Variants in JPH3 observed in about 807,000 individuals in gnomAD.
The protein encoded by JPH3 is junctophilin 3, also known as junctophilin-3.
Under a neutral mutation model 59.6 loss-of-function variants are expected in JPH3, and 11 were observed. The ratio of observed to expected loss-of-function variants is 0.18; its 90% CI spans 0.12 to 0.31. The LOEUF (loss-of-function observed/expected upper bound fraction) is 0.31. Among genes scored for constraint, JPH3 ranks in the 10% least tolerant of loss-of-function variants. JPH3 has a pLI of 1.00. For missense variants in JPH3, 1,202 were observed against 1,105.7 expected (o/e 1.09, Z -1.24); for synonymous variants, 673 against 483.6 (o/e 1.39, Z -5.14).
At chr16:87,658,298 GA>G in intron 2 of JPH3, among the ~76,000 whole-genome samples, 1 of 151,980 alleles carries the variant, frequency 6.6e-6, no homozygotes, top group Admixed American at 6.5e-5. Context: ...GTCTGCCTTT[GA>G]AAAAAGGGTG....
chr16:87,605,289 A>T (rs939925652), intron 1 of JPH3, among the ~76,000 whole-genome samples: 1 of 152,196 alleles, frequency 6.6e-6, no homozygotes, highest in African/African-American at 2.4e-5. Context: ...CACTCTGCCC[A>T]CGCTCCTCAG....
chr16:87,690,141 GC>G lies in JPH3; in HGVS notation c.1785del (p.Gly596GlufsTer13). The G allele has an allele frequency of 6.3e-7, 1 of 1,595,378 alleles. No individual in the cohort carries two copies. The highest frequency in any genetic ancestry group is 8.5e-7 in the Non-Finnish European group (1 of 1,171,272). ...TCCCACCACCGGGCCAGCAACCACAGCCCCGGAGGCTCCAGGCTGCTGGAGC... is the reference window on the plus strand; with the variant it reads ...TCCCACCACCGGGCCAGCAACCACAGCCCGGAGGCTCCAGGCTGCTGGAGC... Reference protein sequence around the residue: ...WTSHHRASNHSPGGSRLLELQ... With the variant: ...WTSHHRASNHXPGGSRLLELQ... On this transcript the variant is annotated frameshift_variant, in exon 4 of 5. Coordinates refer to ENST00000284262, the MANE Select transcript of JPH3 (RefSeq NM_020655.4). LOFTEE classifies it high-confidence loss of function.
Position 87,684,125 on chromosome 16 carries a change from C to T in JPH3, c.1161-17C>T. ...GTGCCCCCTGCCCCCCCTCACGCTC[C>T]TCCCTGTCTCCCCCAGGACCTCCCA... On this transcript the variant is annotated splice_polypyrimidine_tract_variant and intron_variant, in intron 2 of 4. Coordinates refer to ENST00000284262, the MANE Select transcript of JPH3 (RefSeq NM_020655.4). 1.2e-6 allele frequency: 2 copies of T among 1,611,490 alleles called. No homozygotes were observed. Among genetic ancestry groups the T allele is most frequent in the Non-Finnish European group, 1.7e-6 (2 of 1,178,422 alleles).
In JPH3 at chr16:87,636,501, G is replaced by A. The variant is rs192577274; in HGVS notation, c.383-7757G>A. 3.3e-3 allele frequency among the ~76,000 whole-genome samples: 505 copies of A among 152,310 alleles called. 1 individual carries two copies. The highest frequency in any genetic ancestry group is 7.8e-3 in the Admixed American group (119 of 15,306). ...AGGGAGAGGAGCAACTGCGGCGAGC[G>A]TGGAGGCCCAGCCCGCAGAGCTCCC... is the stretch of plus-strand genomic sequence containing the variant. On this transcript the variant is annotated intron_variant, in intron 1 of 4. Coordinates refer to ENST00000284262, the MANE Select transcript of JPH3 (RefSeq NM_020655.4).
Position 87,690,228 on chromosome 16 carries a change from C to G in JPH3, c.1868C>G (p.Thr623Arg), listed in dbSNP as rs150787562. 1.0e-3 allele frequency: 1,606 copies of G among 1,604,536 alleles called. 6 individuals are homozygous for G. The highest frequency in any genetic ancestry group is 1.3e-3 in the Non-Finnish European group (1,532 of 1,176,176). The change falls in exon 4 of 5, where the codon ACG becomes AGG. Residue 623 changes from threonine to arginine, a missense_variant. By Grantham distance (71) the Thr-to-Arg change is moderately conservative (BLOSUM62 -1). Transcript: ENST00000284262. The stretch of plus-strand genomic sequence containing the variant: ...ATGAAACCCTTGCTGAGGATGGAGA[C>G]GCATCCCCAGAAAAGACGCTACAGC... ...MEMKPLLRMETHPQKRRYSKG... is the reference protein window; with the variant it reads ...MEMKPLLRMERHPQKRRYSKG...
intron 2 of JPH3, among the ~76,000 whole-genome samples, chr16:87,649,151 C>T (rs909652241): frequency 2.6e-5 from 4 of 152,184 alleles, no homozygotes; most frequent in Non-Finnish European, 5.9e-5. Context: ...AGCCAGTGGC[C>T]CCGCGGAGCT....
At chr16:87,677,620 G>A (rs367875471) in intron 2 of JPH3, among the ~76,000 whole-genome samples, 9 of 152,300 alleles carry the variant, frequency 5.9e-5, no homozygotes, top group African/African-American at 1.9e-4. Context: ...GCTGGTGAAC[G>A]TGGACAGCGT....
In JPH3 at chr16:87,684,238, C is replaced by T; in HGVS notation, c.1257C>T (p.Phe419=). The change falls in exon 3 of 5, where the codon TTC becomes TTT. Residue 419 remains phenylalanine, a synonymous_variant. Coordinates refer to ENST00000284262, the MANE Select transcript of JPH3 (RefSeq NM_020655.4). The part of the protein sequence containing the change: ...ARIARITAKE[F]SPSFQHRENG... ...TCGCCAGGATCACTGCCAAAGAGTT[C>T]TCCCCTTCCTTCCAGCACCGGGAAA... is the stretch of plus-strand genomic sequence containing the variant. 6.2e-7 allele frequency: 1 copy of T among 1,613,972 alleles called. No homozygotes were observed. The highest frequency in any genetic ancestry group is 8.5e-7 in the Non-Finnish European group (1 of 1,179,998).
At chr16:87,604,232 AT>A in intron 1 of JPH3, 1 of 1,444,360 alleles carries the variant, frequency 6.9e-7, no homozygotes, top group Non-Finnish European at 9.2e-7. Context: ...CTGTGCCTTC[AT>A]TCTAAGATGC....
In JPH3 at chr16:87,644,994, C is replaced by G; in HGVS notation, c.1119C>G (p.Ala373=). Residue 373 remains alanine, a synonymous_variant, in exon 2 of 5, where the codon GCC becomes GCG. Transcript: ENST00000284262. ...VDRAVEAAER[A]ATIAKQKAEI... is the part of the protein sequence containing the mutation. Reference sequence around the variant, plus strand: ...GCGCCGTTGAGGCCGCTGAGCGGGCCGCCACCATCGCCAAGCAGAAGGCTG... The same window carrying G: ...GCGCCGTTGAGGCCGCTGAGCGGGCGGCCACCATCGCCAAGCAGAAGGCTG... The G allele has an allele frequency of 6.2e-7, 1 of 1,607,224 alleles. No homozygotes were observed. Among genetic ancestry groups the G allele is most frequent in the Non-Finnish European group, 8.5e-7 (1 of 1,179,588 alleles).
At chr16:87,693,916 C>T (rs2033689181) in intron 4 of JPH3, 1 of 152,224 alleles carries the variant, frequency 6.6e-6, no homozygotes, top group Admixed American at 6.5e-5. Flanking sequence ...GGAAAACCGC[C>T]ATTCGGGCCA....
rs1193514796 is a variant in JPH3 at position 87,611,808 on chromosome 16, TGG to T, written c.382+8283_382+8284del. On this transcript the variant is annotated intron_variant, in intron 1 of 4. Transcript: ENST00000284262. This position sits in a 1 kb window ranked among gnomAD's most constrained non-coding sequence, Gnocchi z 4.5. ...TCAGGCGATGCTGAGGCTGCTGATC[TGG>T]GGACCTCACATTAAGAACCACAGTC... 6.6e-6 allele frequency among the ~76,000 whole-genome samples: 1 copy of T among 152,234 alleles called. No individual in the cohort carries two copies. Among genetic ancestry groups the T allele is most frequent in the Non-Finnish European group, 1.5e-5 (1 of 68,032 alleles).
At chr16:87,665,642 T>A (rs1269144468) in intron 2 of JPH3, among the ~76,000 whole-genome samples, 1 of 152,066 alleles carries the variant, frequency 6.6e-6, no homozygotes, top group Non-Finnish European at 1.5e-5. Flanking sequence ...CAGGTGAGGG[T>A]CCTAGGAAGC....
chr16:87,657,932 G>A (rs1367476864), intron 2 of JPH3, among the ~76,000 whole-genome samples: 1 of 152,214 alleles, frequency 6.6e-6, no homozygotes, highest in Non-Finnish European at 1.5e-5. Flanking sequence ...GTGGCTGCCA[G>A]GGGATGGACA....
intron 1 of JPH3, among the ~76,000 whole-genome samples, chr16:87,636,249 C>T (rs958618129): frequency 6.6e-6 from 1 of 150,976 alleles, no homozygotes; most frequent in African/African-American, 2.4e-5. Flanking sequence ...GGGGTGGGGG[C>T]GGGGGCGTCC....
rs2033903294 is a variant in JPH3 at position 87,697,079 on chromosome 16, A to G, written c.*419A>G. ...TGAGTGGCAGGGCTGACTCCCGTCG[A>G]CACGAGCTTAGAAAGTGGATTCACT... is the stretch of plus-strand genomic sequence containing the variant. On this transcript the variant is annotated 3_prime_UTR_variant, in exon 5 of 5. Coordinates refer to ENST00000284262, the MANE Select transcript of JPH3 (RefSeq NM_020655.4). 3.7e-6 allele frequency: 1 copy of G among 270,252 alleles called. No individual in the cohort carries two copies. Among genetic ancestry groups the G allele is most frequent in the Admixed American group, 4.8e-5 (1 of 21,048 alleles). The allele number at this position is 270,252 out of a possible 1,614,324, so 16.7% of individuals were successfully genotyped here. A position where few individuals can be genotyped will look rare whatever the true frequency, so the allele number is the denominator to read the frequency against.
intron 2 of JPH3, among the ~76,000 whole-genome samples, chr16:87,672,109 C>G (rs1025909133): frequency 6.6e-6 from 1 of 151,616 alleles, no homozygotes; most frequent in Non-Finnish European, 1.5e-5. Context: ...CTGCTATCCC[C>G]AGTGTGTGGG....
chr16:87,604,859 C>A, intron 1 of JPH3: 1 of 397,960 alleles, frequency 2.5e-6, no homozygotes, highest in South Asian at 1.9e-5. Context: ...GCCCCGGTCT[C>A]AGGCGGCCTT....
intron 1 of JPH3, among the ~76,000 whole-genome samples, chr16:87,632,352 C>G (rs755630193): frequency 2.6e-5 from 4 of 152,250 alleles, no homozygotes; most frequent in African/African-American, 4.8e-5. Context: ...GGCCTAGAAA[C>G]TTTTCTTCCT....
Sources: allele counts gnomAD v4.1 joint callset (sites outside exome capture counted in the v4.1 genomes callset), GRCh38; gene constraint gnomAD v4.1.1; non-coding constraint Gnocchi (gnomAD v3.1); transcripts MANE v1.5; gene names NCBI Gene and HGNC (gene_info 2026-07-23, HGNC 2026-07-21).